The following DAPP1 variants were observed in gnomAD, a reference collection of about 807,000 sequenced individuals.
DAPP1 encodes dual adapter for phosphotyrosine and 3-phosphotyrosine and 3-phosphoinositide.
Under a neutral mutation model 41.5 loss-of-function variants are expected in DAPP1, and 20 were observed. That is an observed-to-expected ratio of 0.48 (90% CI 0.34 to 0.70). The LOEUF is 0.70. DAPP1 is among the 30% of genes least tolerant of loss of function. The probability of loss-of-function intolerance (pLI) is 0.01; values close to 1 mark genes in which losing one functional copy is unlikely to be tolerated. For synonymous variants in DAPP1, 113 were observed against 116.2 expected (o/e 0.97, Z 0.18); for missense variants, 233 against 333.4 (o/e 0.70, Z 2.35).
intron 1 of DAPP1, among the ~76,000 whole-genome samples, chr4:99,831,715 A>T (rs1723126251): frequency 6.6e-6 from 1 of 152,218 alleles, no homozygotes; most frequent in African/African-American, 2.4e-5. Context: ...GACCCTTATC[A>T]ACAATGGACA....
At chr4:99,832,980 A>C (rs906609337) in intron 1 of DAPP1, among the ~76,000 whole-genome samples, 9 of 152,246 alleles carry the variant, frequency 5.9e-5, no homozygotes, top group African/African-American at 1.9e-4. Flanking sequence ...GAATGTCCAA[A>C]TCCTTTAAAT....
intron 4 of DAPP1, among the ~76,000 whole-genome samples, chr4:99,859,914 G>C (rs567459881): frequency 6.8e-4 from 104 of 152,264 alleles, no homozygotes; most frequent in African/African-American, 2.4e-3. Flanking sequence ...CCCTACTTGG[G>C]CTCCACCACC....
intron 1 of DAPP1, among the ~76,000 whole-genome samples, chr4:99,821,084 A>C (rs1722759271): frequency 6.6e-6 from 1 of 152,224 alleles, no homozygotes; most frequent in African/African-American, 2.4e-5. Context: ...ACACAGGAAG[A>C]GACTCAAGAG....
intron 1 of DAPP1, among the ~76,000 whole-genome samples, chr4:99,827,358 C>G (rs570767085): frequency 6.6e-6 from 1 of 151,862 alleles, no homozygotes; most frequent in Non-Finnish European, 1.5e-5. Context: ...CAAGGTGAAA[C>G]CCCGTCTCTA....
Position 99,863,006 on chromosome 4 carries a change from T to A in DAPP1, c.538-4T>A. 1 of 1,587,554 alleles carries A rather than the reference T, an allele frequency of 6.3e-7. No individual in the cohort carries two copies. Among genetic ancestry groups the A allele is most frequent in the Non-Finnish European group, 8.5e-7 (1 of 1,170,464 alleles). On this transcript the variant is annotated splice_polypyrimidine_tract_variant and splice_region_variant and intron_variant, in intron 5 of 8. Coordinates refer to ENST00000512369, the MANE Select transcript of DAPP1 (RefSeq NM_014395.3). ...GTGTTTGTGTGTGTGTGTGTTTTTC[T>A]CAGACCTGGAAAACAAGATGGTTTA... is the stretch of plus-strand genomic sequence containing the variant.
At chr4:99,855,733 G>A (rs779811673) in intron 4 of DAPP1, among the ~76,000 whole-genome samples, 1 of 152,172 alleles carries the variant, frequency 6.6e-6, no homozygotes, top group Non-Finnish European at 1.5e-5. Flanking sequence ...GGTCTGATCA[G>A]AATGCTCTTG....
At position 99,834,169 on chromosome 4, in the gene DAPP1, G is replaced by A. The variant is rs531966707; in HGVS notation, c.102-1454G>A. Among the ~76,000 whole-genome samples, 9 of 152,312 alleles carry A rather than the reference G, an allele frequency of 5.9e-5. 1 individual carries two copies. In the South Asian group the frequency reaches 1.9e-3, roughly 32 times the overall value. On this transcript the variant is annotated intron_variant, in intron 1 of 8. Coordinates refer to ENST00000512369, the MANE Select transcript of DAPP1 (RefSeq NM_014395.3). ...TGTTATTGGAGAAAAGAAAGATGGTGCAGAGCAATATGCCTAGAAAATAAA... is the reference window on the plus strand; with the variant it reads ...TGTTATTGGAGAAAAGAAAGATGGTACAGAGCAATATGCCTAGAAAATAAA...
intron 4 of DAPP1, among the ~76,000 whole-genome samples, chr4:99,856,446 G>C (rs1407403547): frequency 6.6e-6 from 1 of 152,156 alleles, no homozygotes; most frequent in African/African-American, 2.4e-5. Context: ...TGCTTCAAAG[G>C]CTAGGAAGGT....
At chr4:99,826,475 A>G (rs956780525) in intron 1 of DAPP1, among the ~76,000 whole-genome samples, 2 of 152,204 alleles carry the variant, frequency 1.3e-5, no homozygotes, top group Non-Finnish European at 2.9e-5. Context: ...GTTCTATTTC[A>G]TGTATCTTTT....
intron 3 of DAPP1, among the ~76,000 whole-genome samples, chr4:99,842,852 C>CTTTTT (rs1297681743): frequency 7.3e-6 from 1 of 137,660 alleles, no homozygotes. Context: ...ATATTTCTTT[C>CTTTTT]TTTTTTTTTT....
At chr4:99,848,904 A>G (rs1723762236) in intron 3 of DAPP1, among the ~76,000 whole-genome samples, 1 of 152,136 alleles carries the variant, frequency 6.6e-6, no homozygotes, top group Non-Finnish European at 1.5e-5. Flanking sequence ...GTTATAGGGA[A>G]CCTATCTCTG....
At chr4:99,848,707 T>C (rs996563114) in intron 3 of DAPP1, among the ~76,000 whole-genome samples, 1 of 152,194 alleles carries the variant, frequency 6.6e-6, no homozygotes, top group African/African-American at 2.4e-5. Flanking sequence ...GTACCTCCGC[T>C]CAGCCTTTCT....
intron 7 of DAPP1, 115 bp downstream of exon 7, chr4:99,863,970 A>G (rs1724331923): frequency 1.5e-6 from 1 of 673,944 alleles, no homozygotes; most frequent in Non-Finnish European, 2.5e-6. Context: ...TATGAGGGGC[A>G]TGCCTGCATG....
chr4:99,830,203 T>C (rs903270676), intron 1 of DAPP1, among the ~76,000 whole-genome samples: 6 of 152,246 alleles, frequency 3.9e-5, no homozygotes, highest in East Asian at 3.9e-4. Flanking sequence ...GTCAACATGG[T>C]GAAACCTCAT....
Position 99,853,323 on chromosome 4 carries a change from A to T in DAPP1, c.464A>T (p.Asp155Val), listed in dbSNP as rs1225437924. ...HTAMQTGRTE[D>V]DLVPTAPSLG... ...GCAATGCAGACAGGAAGAACAGAAGATGACCTTGTGCCCACAGCACCTTCT... is the reference window on the plus strand; with the variant it reads ...GCAATGCAGACAGGAAGAACAGAAGTTGACCTTGTGCCCACAGCACCTTCT... The change falls in exon 4 of 9, where the codon GAT becomes GTT. Residue 155 changes from aspartate (D) to valine (V), a missense_variant. By Grantham distance (152) the Asp-to-Val change is radical. Coordinates refer to ENST00000512369, the MANE Select transcript of DAPP1 (RefSeq NM_014395.3). The T allele has an allele frequency of 1.2e-5, 19 of 1,610,810 alleles. No individual in the cohort carries two copies. Among genetic ancestry groups the T allele is most frequent in the Non-Finnish European group, 1.6e-5 (19 of 1,178,290 alleles).
intron 4 of DAPP1, among the ~76,000 whole-genome samples, chr4:99,858,896 A>T (rs375505535): frequency 3.0e-4 from 44 of 147,066 alleles, no homozygotes; most frequent in Admixed American, 8.8e-4. Context: ...CTCAAAAAAA[A>T]TTTTTTTTTT....
Position 99,843,576 on chromosome 4 carries a change from C to T in DAPP1, c.358+3154C>T, listed in dbSNP as rs576865310. ...TCTAATCTCCATTAAAGTTTCTGTTCACTCTAATTTCTTTTTATCAATACC... is the reference window on the plus strand; with the variant it reads ...TCTAATCTCCATTAAAGTTTCTGTTTACTCTAATTTCTTTTTATCAATACC... On this transcript the variant is annotated intron_variant, in intron 3 of 8. Transcript: ENST00000512369. Among the ~76,000 whole-genome samples the T allele has an allele frequency of 1.7e-3, 259 of 152,222 alleles. 1 individual carries two copies. Among genetic ancestry groups the T allele is most frequent in the Non-Finnish European group, 3.3e-3 (223 of 68,018 alleles).
chr4:99,870,684 A>G (rs1724610318), downstream of DAPP1, among the ~76,000 whole-genome samples: 1 of 152,168 alleles, frequency 6.6e-6, no homozygotes, highest in African/African-American at 2.4e-5. Flanking sequence ...GAGAAAAGAG[A>G]GTGGGCTATC....
rs1724566457 is a variant in DAPP1, at chr4:99,869,263, C to T, written c.*1078C>T. On this transcript the variant is annotated 3_prime_UTR_variant, in exon 9 of 9. Transcript: ENST00000512369. The stretch of plus-strand genomic sequence containing the variant: ...AATAATGATAGGTAATAATGTGTTC[C>T]AAAGCTTTTTCAAACTAGAATAAGG... The T allele has an allele frequency of 6.6e-6, 1 of 152,056 alleles. No homozygotes were observed. Among genetic ancestry groups the T allele is most frequent in the Admixed American group, 6.6e-5 (1 of 15,262 alleles). The allele number at this position is 152,056 out of a possible 1,614,324, so 9.4% of individuals were successfully genotyped here.
Sources: allele counts gnomAD v4.1 joint callset (sites outside exome capture counted in the v4.1 genomes callset), GRCh38; gene constraint gnomAD v4.1.1; transcripts MANE v1.5; gene names NCBI Gene and HGNC (gene_info 2026-07-23, HGNC 2026-07-21).